The following NELL1 variants were observed in gnomAD, a reference collection of about 807,000 sequenced individuals.
The protein encoded by NELL1 is protein kinase C-binding protein NELL1.
In NELL1, 76 loss-of-function variants were observed where a neutral mutation model predicts 107.4. The observed-to-expected ratio is 0.71, with a 90% CI of 0.59 to 0.86. The LOEUF is 0.86. Ranked by LOEUF, NELL1 falls within the 40% of genes least tolerant of loss-of-function variation. The pLI is 0.00. For synonymous variants in NELL1, 353 were observed against 341.2 expected, an observed-to-expected ratio of 1.03 and a Z score of -0.38; for missense variants, 1,024 against 1,005.5, an observed-to-expected ratio of 1.02 and a Z score of -0.25.
At chr11:21,367,354 C>T (rs1851252057) in intron 14 of NELL1, among the ~76,000 whole-genome samples, 1 of 151,654 alleles carries the variant, frequency 6.6e-6, no homozygotes, top group Non-Finnish European at 1.5e-5. Context: ...GAAGTACCAA[C>T]ATATGAAGTC....
chr11:21,303,375 T>C (rs1849539243), intron 14 of NELL1, among the ~76,000 whole-genome samples: 1 of 151,936 alleles, frequency 6.6e-6, no homozygotes, highest in African/African-American at 2.4e-5. Flanking sequence ...TGTGAAAAAA[T>C]GGTCACCACT....
chr11:21,317,678 A>G (rs1048260047), intron 14 of NELL1, among the ~76,000 whole-genome samples: 1 of 152,090 alleles, frequency 6.6e-6, no homozygotes, highest in African/African-American at 2.4e-5. Context: ...TTTCAGGCAG[A>G]GGAAACATTA....
intron 14 of NELL1, among the ~76,000 whole-genome samples, chr11:21,256,220 A>AT (rs1423286150): frequency 6.6e-6 from 1 of 151,940 alleles, no homozygotes; most frequent in African/African-American, 2.4e-5. Flanking sequence ...ATGATATGTA[A>AT]TTTTTACCTC....
intron 11 of NELL1, among the ~76,000 whole-genome samples, chr11:20,956,514 C>T (rs558805619): frequency 3.3e-5 from 5 of 151,244 alleles, no homozygotes; most frequent in South Asian, 2.1e-4. Flanking sequence ...GGCATGGTGG[C>T]GGGCGCCCGT....
intron 12 of NELL1, among the ~76,000 whole-genome samples, chr11:20,967,709 C>G (rs779802100): frequency 6.6e-6 from 1 of 152,170 alleles, no homozygotes; most frequent in Non-Finnish European, 1.5e-5. Context: ...GGCTAGTGAT[C>G]CCAGTAGCAT....
chr11:20,940,752 G>A (rs577644840), intron 10 of NELL1, among the ~76,000 whole-genome samples: 3 of 152,336 alleles, frequency 2.0e-5, no homozygotes, highest in African/African-American at 7.2e-5. Context: ...ACAAGGGCAT[G>A]AATACCAGGA....
intron 12 of NELL1, among the ~76,000 whole-genome samples, chr11:20,978,065 G>C (rs946244175): frequency 3.9e-5 from 6 of 152,164 alleles, no homozygotes; most frequent in Non-Finnish European, 8.8e-5. Flanking sequence ...GCTTACCTAG[G>C]AAGTTAAGTA....
chr11:21,229,522 C>A, intron 14 of NELL1, 68 bp downstream of exon 14: 1 of 1,599,904 alleles, frequency 6.3e-7, no homozygotes, highest in South Asian at 1.1e-5. Context: ...ACTTGTGCGT[C>A]GGACCTTCTT....
chr11:20,840,243 G>C (rs1442082715), intron 3 of NELL1, among the ~76,000 whole-genome samples: 1 of 152,066 alleles, frequency 6.6e-6, no homozygotes, highest in Admixed American at 6.6e-5. Flanking sequence ...AATGACCCAG[G>C]CATTTAGTAG....
chr11:20,951,256 A>T (rs1049770280), intron 11 of NELL1, among the ~76,000 whole-genome samples: 1 of 152,214 alleles, frequency 6.6e-6, no homozygotes, highest in Non-Finnish European at 1.5e-5. Flanking sequence ...TCTGAGTTAT[A>T]ACTTATTTCC....
At chr11:20,975,533 T>A (rs1851587699) in intron 12 of NELL1, among the ~76,000 whole-genome samples, 1 of 142,426 alleles carries the variant, frequency 7.0e-6, no homozygotes, top group African/African-American at 2.5e-5. Flanking sequence ...ATATTCAATA[T>A]ATTATGTATT....
intron 2 of NELL1, among the ~76,000 whole-genome samples, chr11:20,679,408 T>C (rs1035077647): frequency 6.6e-6 from 1 of 152,206 alleles, no homozygotes; most frequent in South Asian, 2.1e-4. Context: ...TTAGCATGGC[T>C]GAACCAACAT....
intron 14 of NELL1, among the ~76,000 whole-genome samples, chr11:21,268,545 C>T (rs1848678939): frequency 6.6e-6 from 1 of 152,148 alleles, no homozygotes; most frequent in African/African-American, 2.4e-5. Flanking sequence ...CTCCAGCCCA[C>T]TCTAACCAAC....
At chr11:20,982,190 C>T (rs145084406) in intron 12 of NELL1, among the ~76,000 whole-genome samples, 1 of 152,202 alleles carries the variant, frequency 6.6e-6, no homozygotes, top group African/African-American at 2.4e-5. Flanking sequence ...AGTAGCCAGT[C>T]CTGAAACACA....
chr11:21,229,095 T>C (rs1208324730), intron 13 of NELL1, among the ~76,000 whole-genome samples: 3 of 152,120 alleles, frequency 2.0e-5, no homozygotes, highest in African/African-American at 7.2e-5. Context: ...TTACCAATTG[T>C]GTGACGGACA....
chr11:20,883,383 A>G (rs904206054), intron 4 of NELL1, among the ~76,000 whole-genome samples: 1 of 152,204 alleles, frequency 6.6e-6, no homozygotes, highest in African/African-American at 2.4e-5. Flanking sequence ...TCATTAATTC[A>G]TGCATTTAAT....
chr11:20,734,380 G>A (rs1016325238), intron 2 of NELL1, among the ~76,000 whole-genome samples: 1 of 152,298 alleles, frequency 6.6e-6, no homozygotes, highest in Middle Eastern at 3.4e-3. Context: ...CTGCTTTTGT[G>A]TATAAGGTGA....
chr11:21,262,008 C>G (rs139467468), intron 14 of NELL1, among the ~76,000 whole-genome samples: 1 of 151,772 alleles, frequency 6.6e-6, no homozygotes, highest in Admixed American at 6.6e-5. Flanking sequence ...TATGTTATTA[C>G]GATTGTGCGT....
chr11:20,962,590 T>A (rs1357058721), intron 12 of NELL1, among the ~76,000 whole-genome samples: 2 of 152,218 alleles, frequency 1.3e-5, no homozygotes, highest in East Asian at 1.9e-4. Flanking sequence ...CTTTGATTCA[T>A]TTCTCATTGA....
Sources: allele counts gnomAD v4.1 joint callset (sites outside exome capture counted in the v4.1 genomes callset), GRCh38; gene constraint gnomAD v4.1.1; transcripts MANE v1.5; gene names NCBI Gene and HGNC (gene_info 2026-07-23, HGNC 2026-07-21).